The following CLASP2 variants were observed in gnomAD, a reference collection of about 807,000 sequenced individuals.
The protein encoded by CLASP2 is cytoplasmic linker associated protein 2.
CLASP2 carries 47 observed loss-of-function variants against 194.4 expected under a neutral mutation model. That is an observed-to-expected ratio of 0.24 (90% confidence interval 0.19 to 0.31). CLASP2 has a LOEUF of 0.31. CLASP2 is among the 10% of genes least tolerant of loss of function. The probability of loss-of-function intolerance (pLI) is 1.00; values close to 1 mark genes in which losing one functional copy is unlikely to be tolerated. For missense variants in CLASP2, 1,445 were observed against 1,823.6 expected (o/e 0.79, Z 3.78); for synonymous variants, 619 against 633.5 (o/e 0.98, Z 0.34).
In CLASP2 at chr3:33,632,381, A is replaced by G. The variant is rs2079244134; in HGVS notation, c.863-10T>C. On this transcript the variant is annotated splice_polypyrimidine_tract_variant and intron_variant, in intron 8 of 38. Coordinates refer to ENST00000682230, the MANE Select transcript of CLASP2 (RefSeq NM_001365631.1). Reference sequence around the variant, plus strand: ...CCTTCCTTAGAAGCACCTGCTAATTAAAAGGAAATTAATTTCCTAAGGTTC... The same window carrying G: ...CCTTCCTTAGAAGCACCTGCTAATTGAAAGGAAATTAATTTCCTAAGGTTC... 1 of 1,572,794 alleles carries G rather than the reference A, an allele frequency of 6.4e-7. No individual in the cohort carries two copies. Among genetic ancestry groups the G allele is most frequent in the African/African-American group, 1.4e-5 (1 of 73,478 alleles).
At chr3:33,691,425 A>G (rs976544719) in intron 2 of CLASP2, among the ~76,000 whole-genome samples, 1 of 152,202 alleles carries the variant, frequency 6.6e-6, no homozygotes, top group Non-Finnish European at 1.5e-5. Context: ...AAAAGAAATT[A>G]CATTCTTTTT....
At chr3:33,670,506 C>G (rs936818270) in intron 6 of CLASP2, among the ~76,000 whole-genome samples, 15 of 152,140 alleles carry the variant, frequency 9.9e-5, no homozygotes, top group African/African-American at 3.6e-4. Context: ...CTACTCTGCC[C>G]TAACAACAAG....
intron 6 of CLASP2, among the ~76,000 whole-genome samples, chr3:33,670,370 AG>A (rs1354969344): frequency 6.6e-6 from 1 of 152,218 alleles, no homozygotes; most frequent in Non-Finnish European, 1.5e-5. Flanking sequence ...TATAATTTAT[AG>A]ATTTGTATAC....
chr3:33,514,594 C>T, intron 36 of CLASP2: 1 of 232,558 alleles, frequency 4.3e-6, no homozygotes, highest in Non-Finnish European at 9.4e-6. Flanking sequence ...TGCTATTGCT[C>T]AGTTGCTTTC....
chr3:33,530,092 C>A (rs1012374184), intron 34 of CLASP2, among the ~76,000 whole-genome samples: 1 of 150,100 alleles, frequency 6.7e-6, no homozygotes, highest in South Asian at 2.1e-4. Context: ...TCCTGAAGGA[C>A]CCGAATGAGG....
chr3:33,509,282 T>C (rs2049102200), intron 37 of CLASP2, among the ~76,000 whole-genome samples: 1 of 152,238 alleles, frequency 6.6e-6, no homozygotes, highest in Admixed American at 6.5e-5. Context: ...TTCCTAACTA[T>C]CTTGGCTCAC....
intron 16 of CLASP2, 131 bp from the exon 17 acceptor site, chr3:33,604,340 CAG>C (rs2073191433): frequency 4.7e-6 from 3 of 642,396 alleles, no homozygotes; most frequent in East Asian, 5.7e-5. Flanking sequence ...TTTTTTGAGA[CAG>C]AGTCTTGCTG....
At chr3:33,675,061 G>C (rs2088246316) in intron 6 of CLASP2, among the ~76,000 whole-genome samples, 1 of 152,158 alleles carries the variant, frequency 6.6e-6, no homozygotes, top group Non-Finnish European at 1.5e-5. Flanking sequence ...AATAGAAAAA[G>C]AGGGAATCCT....
In CLASP2 at chr3:33,498,674, G is replaced by A. The variant is rs2046113522; in HGVS notation, c.4478C>T (p.Ser1493Phe). Residue 1493 changes from serine (S) to phenylalanine (F), a missense_variant, in exon 39 of 39, where the codon TCT becomes TTT. Ser to Phe is a radical substitution (Grantham distance 155). Coordinates refer to ENST00000682230, the MANE Select transcript of CLASP2 (RefSeq NM_001365631.1). ...NLYIKRAQTGSGGADPTTDVS... is the reference protein window; with the variant it reads ...NLYIKRAQTGFGGADPTTDVS... ...ATCAGTAGTGGGATCAGCTCCTCCAGAACCTGTTTGTGCACGTTTGATGTA... is the reference window on the plus strand; with the variant it reads ...ATCAGTAGTGGGATCAGCTCCTCCAAAACCTGTTTGTGCACGTTTGATGTA... 4 of 1,613,524 alleles carry A rather than the reference G, an allele frequency of 2.5e-6. No individual in the cohort carries two copies. In the East Asian group the frequency reaches 8.9e-5, roughly 36 times the overall value.
intron 38 of CLASP2, among the ~76,000 whole-genome samples, chr3:33,501,097 G>A (rs1161825705): frequency 6.6e-6 from 1 of 152,060 alleles, no homozygotes; most frequent in African/African-American, 2.4e-5. Context: ...AAATGAGAAA[G>A]GCAAGACTTA....
chr3:33,587,585 T>C (rs1338952884), intron 21 of CLASP2, among the ~76,000 whole-genome samples: 4 of 152,226 alleles, frequency 2.6e-5, no homozygotes, highest in South Asian at 4.1e-4. Context: ...AAATTAACAA[T>C]TTACTGTCTG....
At chr3:33,515,906 C>T in intron 36 of CLASP2, 117 bp downstream of exon 36, 1 of 1,023,670 alleles carries the variant, frequency 9.8e-7, no homozygotes, top group Non-Finnish European at 1.4e-6. Flanking sequence ...CAGGTATTAC[C>T]CTGAATGTCA....
At chr3:33,649,562 A>G (rs1461759959) in intron 7 of CLASP2, among the ~76,000 whole-genome samples, 1 of 152,244 alleles carries the variant, frequency 6.6e-6, no homozygotes, top group Non-Finnish European at 1.5e-5. Context: ...AATAAAAGCA[A>G]TAAATATTTT....
chr3:33,692,176 TAATA>T (rs139754890), intron 2 of CLASP2, among the ~76,000 whole-genome samples: 2 of 151,868 alleles, frequency 1.3e-5, no homozygotes, highest in Non-Finnish European at 2.9e-5. Context: ...CTCAAAAAAA[TAATA>T]AATAAATAAA....
In CLASP2 at chr3:33,612,222, A is replaced by T. The variant is rs72858318; in HGVS notation, c.1318-151T>A. Among the ~76,000 whole-genome samples, 1,489 of 152,360 alleles carry T rather than the reference A, an allele frequency of 9.8e-3. 24 individuals carry two copies. Among genetic ancestry groups the T allele is most frequent in the African/African-American group, 0.034 (1,420 of 41,570 alleles). ...GAAAGAAATTAAGACCAGTCTTGAA[A>T]AGTTTTCCTGAATTAATGTAATGTA... On this transcript the variant is annotated intron_variant, in intron 12 of 38. Coordinates refer to ENST00000682230, the MANE Select transcript of CLASP2 (RefSeq NM_001365631.1).
intron 7 of CLASP2, chr3:33,645,539 C>T (rs1002973955): frequency 1.3e-5 from 6 of 445,168 alleles, no homozygotes; most frequent in Non-Finnish European, 2.4e-5. Context: ...GCAGCTACTG[C>T]CAGATGAAAG....
chr3:33,645,335 T>C, intron 7 of CLASP2: 1 of 765,144 alleles, frequency 1.3e-6, no homozygotes, highest in South Asian at 1.3e-5. Flanking sequence ...AGCTCTTAAT[T>C]TCCCTCACCC....
At chr3:33,559,883 A>G (rs1217349608) in intron 28 of CLASP2, among the ~76,000 whole-genome samples, 1 of 152,136 alleles carries the variant, frequency 6.6e-6, no homozygotes, top group African/African-American at 2.4e-5. Flanking sequence ...AACAAGAGTG[A>G]AACTCCCTCT....
chr3:33,655,551 T>C (rs1283838078), intron 7 of CLASP2, among the ~76,000 whole-genome samples: 3 of 152,152 alleles, frequency 2.0e-5, no homozygotes, highest in African/African-American at 7.2e-5. Context: ...ATAGACTTCT[T>C]TTCCCTCTAT....
Sources: gnomAD v4.1 joint callset for allele counts (sites outside exome capture counted in the v4.1 genomes callset) on GRCh38, gnomAD v4.1.1 for gene constraint, MANE v1.5 for transcripts, NCBI Gene and HGNC (gene_info 2026-07-23, HGNC 2026-07-21) for gene names.